The following AP3D1 variants were observed in gnomAD, a reference collection of about 807,000 sequenced individuals.
AP3D1 encodes the protein adaptor related protein complex 3 subunit delta 1.
AP3D1 carries 51 observed loss-of-function variants against 147.6 expected under a neutral mutation model. The ratio of observed to expected loss-of-function variants is 0.35; its 90% CI spans 0.28 to 0.44. AP3D1 has a LOEUF of 0.44. AP3D1 is among the 20% of genes least tolerant of loss of function. The pLI, the probability that AP3D1 is intolerant of heterozygous loss-of-function variation, is 1.00. For synonymous variants in AP3D1, 760 were observed against 663.0 expected, an observed-to-expected ratio of 1.15 and a Z score of -2.25; for missense variants, 1,421 against 1,624.2, an observed-to-expected ratio of 0.87 and a Z score of 2.15.
At chr19:2,125,326 G>A (rs1221658087) in intron 9 of AP3D1, among the ~76,000 whole-genome samples, 4 of 151,982 alleles carry the variant, frequency 2.6e-5, no homozygotes, top group East Asian at 1.9e-4. Flanking sequence ...GTTTTGTTTC[G>A]TTTTTTGAGA....
rs139495752 is a variant in AP3D1, at chr19:2,134,583, T to TA, written c.355-2006dup. On this transcript the variant is annotated intron_variant, in intron 4 of 31. Transcript: ENST00000643116. ...AATCCTGTCTGTACTAAAAATACCC[T>TA]AAAAAAAAAAAAGAAAGAAAATAAT... is the stretch of plus-strand genomic sequence containing the variant. Among the ~76,000 whole-genome samples the TA allele has an allele frequency of 7.2e-4, 99 of 136,566 alleles. No individual in the cohort carries two copies. In the East Asian group the frequency reaches 0.015, roughly 21 times the overall value. The allele number at this position is 136,566 out of a possible 152,430, so 89.6% of individuals were successfully genotyped here.
chr19:2,150,535 C>A (rs1405435539), intron 1 of AP3D1, among the ~76,000 whole-genome samples: 1 of 152,214 alleles, frequency 6.6e-6, no homozygotes, highest in Non-Finnish European at 1.5e-5. Context: ...CAGCTTCCCG[C>A]AAGCTGCTAC....
Position 2,110,237 on chromosome 19 carries a change from A to C in AP3D1, c.3176-13T>G. ...TCGTTGGAGACGCCTGGCGGGGGCGAGAGGGAGTGGGGCCTGAGACGCTGC... is the reference window on the plus strand; with the variant it reads ...TCGTTGGAGACGCCTGGCGGGGGCGCGAGGGAGTGGGGCCTGAGACGCTGC... On this transcript the variant is annotated splice_polypyrimidine_tract_variant and intron_variant, in intron 27 of 31. Transcript: ENST00000643116. 1 of 1,610,116 alleles carries C rather than the reference A, an allele frequency of 6.2e-7. No individual in the cohort carries two copies. The highest frequency in any genetic ancestry group is 8.5e-7 in the Non-Finnish European group (1 of 1,179,480).
In AP3D1 at chr19:2,137,055, C is replaced by G; in HGVS notation, c.310G>C (p.Glu104Gln). 6.3e-7 allele frequency: 1 copy of G among 1,596,288 alleles called. No individual in the cohort carries two copies. Among genetic ancestry groups the G allele is most frequent in the Non-Finnish European group, 8.5e-7 (1 of 1,171,646 alleles). ...GTCAGCATGATGACGTCGGTGCCTT[C>G]GTGAAAGCTCTGGGAAGCAGCGAGG... ...GYLAASQSFH[E>Q]GTDVIMLTTN... The change falls in exon 4 of 32, where the codon GAA becomes CAA. Residue 104 changes from glutamate to glutamine, a missense_variant. This residue lies in a region of AP3D1 where 292 missense variants were observed against 412.0 expected (regional missense o/e 0.71). Coordinates refer to ENST00000643116, the MANE Select transcript of AP3D1 (RefSeq NM_001261826.3).
At position 2,111,822 on chromosome 19, in the gene AP3D1, G is replaced by A. The variant is rs780879347; in HGVS notation, c.2794C>T (p.Pro932Ser). 1 of 1,613,774 alleles carries A rather than the reference G, an allele frequency of 6.2e-7. No homozygotes were observed. The highest frequency in any genetic ancestry group is 2.2e-5 in the East Asian group (1 of 44,878). The change falls in exon 25 of 32, where the codon CCC becomes TCC. Residue 932 changes from proline to serine, a missense_variant. Pro to Ser is a moderately conservative substitution (Grantham distance 74). Around this residue, in one of 6 missense-constraint regions of AP3D1, gnomAD observed 791 missense variants for 761.4 expected, o/e 1.04. Coordinates refer to ENST00000643116, the MANE Select transcript of AP3D1 (RefSeq NM_001261826.3). ...CTGTGCTTCTTCTTCTTAGGCTTGG[G>A]AGATTTCTGGAGCAAGAGGAGGGTC... ...AEGQDQDKKS[P>S]KPKKKKHRKE...
chr19:2,148,276 G>C (rs1000513479), intron 1 of AP3D1, among the ~76,000 whole-genome samples: 1 of 152,140 alleles, frequency 6.6e-6, no homozygotes, highest in Non-Finnish European at 1.5e-5. Context: ...TAGAAGCTGA[G>C]GACACTCCCA....
At chr19:2,155,222 G>A (rs901603222), upstream of AP3D1, among the ~76,000 whole-genome samples, 2 of 150,974 alleles carry the variant, frequency 1.3e-5, no homozygotes, top group African/African-American at 2.4e-5. Context: ...TTAGCCAGGC[G>A]TGGTTGCCAT....
chr19:2,109,765 T>C lies in AP3D1; in HGVS notation c.3350+108A>G, dbSNP rs1057239847. ...TCACGAGCCAGCGCCTCCAAATCCG[T>C]CTCTAAAGTCCTGCCCAGAAGCCTC... On this transcript the variant is annotated intron_variant, in intron 29 of 31. Transcript: ENST00000643116. 70 of 1,082,140 alleles carry C rather than the reference T, an allele frequency of 6.5e-5. No individual in the cohort carries two copies. In the Admixed American group the frequency reaches 1.3e-3, roughly 20 times the overall value. 67.0% of individuals were successfully genotyped at this position (1,082,140 alleles called of 1,614,324 possible).
At position 2,123,411 on chromosome 19, in the gene AP3D1, AAAG is replaced by A. The variant is rs777113370; in HGVS notation, c.907-8_907-6del. 9 of 1,613,958 alleles carry A rather than the reference AAAG, an allele frequency of 5.6e-6. No homozygotes were observed. The highest frequency in any genetic ancestry group is 6.8e-6 in the Non-Finnish European group (8 of 1,179,970). On this transcript the variant is annotated splice_polypyrimidine_tract_variant and splice_region_variant and intron_variant, in intron 10 of 31. Transcript: ENST00000643116. ...CCTTAATTTCTGAACACAAAGCTGAAAAGAAGAAAAAAACGATGCTGGTTACAT... is the reference window on the plus strand; with the variant it reads ...CCTTAATTTCTGAACACAAAGCTGAAAAGAAAAAAACGATGCTGGTTACAT...
At chr19:2,154,556 C>T (rs1042784580), upstream of AP3D1, among the ~76,000 whole-genome samples, 6 of 152,162 alleles carry the variant, frequency 3.9e-5, no homozygotes, top group South Asian at 2.1e-4. Context: ...GGAATACAGT[C>T]GTGAGCCACC....
chr19:2,141,827 C>T (rs1027131232), intron 1 of AP3D1, among the ~76,000 whole-genome samples: 5 of 151,762 alleles, frequency 3.3e-5, no homozygotes, highest in African/African-American at 1.2e-4. Context: ...GCAGCCTCAA[C>T]CTCCCAGGCT....
rs1387444921 is a variant in AP3D1 at position 2,121,151 on chromosome 19, A to C, written c.1250+12T>G. 6.2e-7 allele frequency: 1 copy of C among 1,614,060 alleles called. No homozygotes were observed. The highest frequency in any genetic ancestry group is 2.2e-5 in the East Asian group (1 of 44,886). Reference sequence around the variant, plus strand: ...CGGAACCCCCGGCCACACCCCTGGGAGCGGGACGCACCACTCGAAGTTGGT... The same window carrying C: ...CGGAACCCCCGGCCACACCCCTGGGCGCGGGACGCACCACTCGAAGTTGGT... On this transcript the variant is annotated intron_variant, in intron 13 of 31. Transcript: ENST00000643116.
At position 2,109,818 on chromosome 19, in the gene AP3D1, G is replaced by A. The variant is rs2018215862; in HGVS notation, c.3350+55C>T. 7 of 1,538,840 alleles carry A rather than the reference G, an allele frequency of 4.5e-6. No individual in the cohort carries two copies. In the Admixed American group the frequency reaches 5.0e-5, roughly 11 times the overall value. On this transcript the variant is annotated intron_variant, in intron 29 of 31. Coordinates refer to ENST00000643116, the MANE Select transcript of AP3D1 (RefSeq NM_001261826.3). ...TCCCCGGGGCACAGGTGTCTGCAAG[G>A]TAGAGGGGAGGCGGAGGGGGTTCGG...
At chr19:2,114,947 C>T (rs773353508) in intron 20 of AP3D1, 126 bp from the exon 21 acceptor site, 12 of 1,082,598 alleles carry the variant, frequency 1.1e-5, no homozygotes, top group East Asian at 2.4e-5. Flanking sequence ...GACGTGGCTC[C>T]ACCAGAGGCT....
At position 2,151,445 on chromosome 19, in the gene AP3D1, G is replaced by A. The variant is rs2019509812; in HGVS notation, c.-111C>T. On this transcript the variant is annotated 5_prime_UTR_variant, in exon 1 of 32. Transcript: ENST00000643116. ...GCGCCGCGCTGCCGGCCGCTGCGGC[G>A]GGGCAAGCTCCCAGGCCAGGGCGGC... The A allele has an allele frequency of 4.8e-6, 3 of 629,186 alleles. No individual in the cohort carries two copies. The highest frequency in any genetic ancestry group is 6.8e-5 in the South Asian group (1 of 14,792). 39.0% of individuals were successfully genotyped at this position (629,186 alleles called of 1,614,324 possible). A position where few individuals can be genotyped will look rare whatever the true frequency, so the allele number is the denominator to read the frequency against.
In AP3D1 at chr19:2,108,892, G is replaced by A. The variant is rs542564084; in HGVS notation, c.3473-126C>T. On this transcript the variant is annotated intron_variant, in intron 30 of 31. Transcript: ENST00000643116. ...TTCAGGAGGCCTGTAGGAGCAGGGT[G>A]TGGCCCTGAGAGGCCTGGGGTGTGG... is the stretch of plus-strand genomic sequence containing the variant. 17 of 1,323,686 alleles carry A rather than the reference G, an allele frequency of 1.3e-5. 1 individual carries two copies. In the South Asian group the frequency reaches 2.0e-4, roughly 16 times the overall value. The allele number at this position is 1,323,686 out of a possible 1,614,324, so 82.0% of individuals were successfully genotyped here.
intron 8 of AP3D1, among the ~76,000 whole-genome samples, chr19:2,127,885 T>C (rs1487558652): frequency 6.6e-6 from 1 of 152,218 alleles, no homozygotes; most frequent in Non-Finnish European, 1.5e-5. Flanking sequence ...TCGCAGCTGC[T>C]TACAGCTTTA....
rs2018230829 is a variant in AP3D1 at position 2,110,197 on chromosome 19, A to C, written c.3203T>G (p.Phe1068Cys). The C allele has an allele frequency of 1.2e-6, 2 of 1,612,560 alleles. No homozygotes were observed. Among genetic ancestry groups the C allele is most frequent in the Non-Finnish European group, 1.7e-6 (2 of 1,179,954 alleles). Residue 1068 changes from phenylalanine to cysteine, a missense_variant, in exon 28 of 32, where the codon TTC (phenylalanine) becomes TGC (cysteine). Coordinates refer to ENST00000643116, the MANE Select transcript of AP3D1 (RefSeq NM_001261826.3). ...PGVSNEAQYV[F>C]TIQSIVMAQK... ...CGCCATGACGATGCTCTGGATGGTG[A>C]ACACATACTGGGCTTCGTTGGAGAC...
intron 1 of AP3D1, among the ~76,000 whole-genome samples, chr19:2,163,759 T>A (rs1193532513): frequency 2.0e-5 from 3 of 151,318 alleles, no homozygotes; most frequent in Admixed American, 2.0e-4. Flanking sequence ...ACCGAGGACG[T>A]GCGTGCGTAC....
Sources: allele counts gnomAD v4.1 joint callset (sites outside exome capture counted in the v4.1 genomes callset), GRCh38; gene constraint gnomAD v4.1.1; regional missense constraint gnomAD v4.1.1; transcripts MANE v1.5; gene names NCBI Gene and HGNC (gene_info 2026-07-23, HGNC 2026-07-21).